Variants in RAB39A observed in about 807,000 individuals in gnomAD.
RAB39A encodes ras-related protein Rab-39A.
A neutral mutation model predicts 20.9 loss-of-function variants in RAB39A; 17 were observed. That is an observed-to-expected ratio of 0.81 (90% CI 0.56 to 1.22). RAB39A has a LOEUF of 1.22. RAB39A is among the 50% of genes most tolerant of loss of function. The probability of loss-of-function intolerance (pLI) is 0.00; values close to 1 mark genes in which losing one functional copy is unlikely to be tolerated. For synonymous variants in RAB39A, 99 were observed against 103.4 expected (o/e 0.96, Z 0.26); for missense variants, 234 against 270.5 (o/e 0.87, Z 0.95).
intron 1 of RAB39A, among the ~76,000 whole-genome samples, chr11:107,947,796 G>GC (rs1861333355): frequency 3.5e-5 from 2 of 57,808 alleles, no homozygotes; most frequent in South Asian, 1.3e-3. Flanking sequence ...GAAAGGAACA[G>GC]CATCAACAGG....
chr11:107,931,268 C>T (rs1162174781), intron 1 of RAB39A, among the ~76,000 whole-genome samples: 2 of 152,132 alleles, frequency 1.3e-5, no homozygotes, highest in African/African-American at 4.8e-5. Context: ...CGTGAGCCAC[C>T]GCGCCTGGCC....
Position 107,961,935 on chromosome 11 carries a change from T to G in RAB39A, c.228-11T>G. The G allele has an allele frequency of 6.3e-7, 1 of 1,593,952 alleles. No individual in the cohort carries two copies. Among genetic ancestry groups the G allele is most frequent in the South Asian group, 1.1e-5 (1 of 88,218 alleles). ...TGTCCTTATACAACCTTTTTTCTCT[T>G]CATTTTTCAGATCAATAACCCGATC... On this transcript the variant is annotated splice_polypyrimidine_tract_variant and intron_variant, in intron 1 of 1. Transcript: ENST00000320578.
At chr11:107,942,174 G>T (rs868104136) in intron 1 of RAB39A, among the ~76,000 whole-genome samples, 1 of 150,108 alleles carries the variant, frequency 6.7e-6, no homozygotes, top group Non-Finnish European at 1.5e-5. Flanking sequence ...AATCAAAAAT[G>T]GAATAGAAAG....
chr11:107,946,817 G>A (rs1159756489), intron 1 of RAB39A, among the ~76,000 whole-genome samples: 1 of 151,698 alleles, frequency 6.6e-6, no homozygotes, highest in Non-Finnish European at 1.5e-5. Context: ...TCTGGGCAAG[G>A]TGGCTCACAC....
At chr11:107,946,559 G>A (rs1313841347) in intron 1 of RAB39A, among the ~76,000 whole-genome samples, 3 of 132,922 alleles carry the variant, frequency 2.3e-5, no homozygotes, top group Non-Finnish European at 3.1e-5. Context: ...TGCAAGCTCC[G>A]CCTCCCGGGT....
At chr11:107,955,059 C>T (rs1447898552) in intron 1 of RAB39A, among the ~76,000 whole-genome samples, 2 of 132,782 alleles carry the variant, frequency 1.5e-5, no homozygotes, top group Non-Finnish European at 3.1e-5. Context: ...TGCAGTGGCC[C>T]GATCTCGGCT....
At chr11:107,941,468 C>CCTTTTT (rs1861258107) in intron 1 of RAB39A, among the ~76,000 whole-genome samples, 1 of 152,118 alleles carries the variant, frequency 6.6e-6, no homozygotes, top group African/African-American at 2.4e-5. Context: ...CTCAACTCTC[C>CCTTTTT]CTTTTTAAAT....
intron 1 of RAB39A, among the ~76,000 whole-genome samples, chr11:107,939,243 CAAAAAAAAAAA>C (rs138488479): frequency 1.5e-5 from 1 of 68,570 alleles, no homozygotes; most frequent in Non-Finnish European, 2.7e-5. Context: ...GACTCTGTCT[CAAAAAAAAAAA>C]AAAAAAAAAG....
chr11:107,945,400 C>A (rs931168621), intron 1 of RAB39A, among the ~76,000 whole-genome samples: 19 of 151,198 alleles, frequency 1.3e-4, no homozygotes, highest in African/African-American at 4.6e-4. Context: ...TTTTTTTTCC[C>A]CCTGAAACCT....
At chr11:107,955,211 A>T (rs907615837) in intron 1 of RAB39A, among the ~76,000 whole-genome samples, 1 of 151,752 alleles carries the variant, frequency 6.6e-6, no homozygotes. Context: ...GTTAGCCAGG[A>T]TGGTCTCAAT....
Position 107,963,468 on chromosome 11 carries a change from G to T in RAB39A, c.*1096G>T. ...ATTGACATTTTCAAAGAAAGTAAAT[G>T]CAATTTACTTTGAACTATTGTCAAA... On this transcript the variant is annotated 3_prime_UTR_variant, in exon 2 of 2. Coordinates refer to ENST00000320578, the MANE Select transcript of RAB39A (RefSeq NM_017516.3). The T allele has an allele frequency of 6.6e-6, 1 of 152,110 alleles. No individual in the cohort carries two copies. The highest frequency in any genetic ancestry group is 1.5e-5 in the Non-Finnish European group (1 of 68,030). 9.4% of individuals were successfully genotyped at this position (152,110 alleles called of 1,614,324 possible). A position where few individuals can be genotyped will look rare whatever the true frequency, so the allele number is the denominator to read the frequency against.
At chr11:107,938,100 C>T (rs772381894) in intron 1 of RAB39A, among the ~76,000 whole-genome samples, 2 of 151,926 alleles carry the variant, frequency 1.3e-5, no homozygotes, top group African/African-American at 2.4e-5. Context: ...TGGTGGCTCA[C>T]GCCTGTAATC....
In RAB39A at chr11:107,962,268, A is replaced by G. The variant is rs751254039; in HGVS notation, c.550A>G (p.Ile184Val). ...DIYELIKKGE[I>V]CIQDGWEGVK... ...ATATGAACTTATTAAAAAGGGAGAA[A>G]TTTGTATTCAGGATGGCTGGGAAGG... Residue 184 changes from isoleucine (I) to valine (V), a missense_variant, in exon 2 of 2, where the codon ATT becomes GTT. Transcript: ENST00000320578. 1.1e-5 allele frequency: 18 copies of G among 1,613,726 alleles called. No homozygotes were observed. The highest frequency in any genetic ancestry group is 5.0e-5 in the Admixed American group (3 of 59,984).
At chr11:107,935,624 C>T (rs1249723539) in intron 1 of RAB39A, among the ~76,000 whole-genome samples, 1 of 152,108 alleles carries the variant, frequency 6.6e-6, no homozygotes, top group East Asian at 1.9e-4. Context: ...GATTCACCTG[C>T]CTCGGCCTCC....
At position 107,946,299 on chromosome 11, in the gene RAB39A, A is replaced by G. The variant is rs549564298; in HGVS notation, c.228-15647A>G. ...AAGGAAAACATTGCAACCATAAAGG[A>G]ACAGGATACTATATATATATATATA... On this transcript the variant is annotated intron_variant, in intron 1 of 1. Transcript: ENST00000320578. Among the ~76,000 whole-genome samples, 24 of 130,382 alleles carry G rather than the reference A, an allele frequency of 1.8e-4. No individual in the cohort carries two copies. The East Asian group carries it at 5.2e-3, about 28-fold the overall frequency. The allele number at this position is 130,382 out of a possible 152,430, so 85.5% of individuals were successfully genotyped here.
chr11:107,944,169 A>T (rs530837384), intron 1 of RAB39A, among the ~76,000 whole-genome samples: 1 of 152,062 alleles, frequency 6.6e-6, no homozygotes, highest in Admixed American at 6.6e-5. Flanking sequence ...CCTCAACATC[A>T]GTTTCTAGGG....
chr11:107,939,909 G>T (rs1435362821), intron 1 of RAB39A, among the ~76,000 whole-genome samples: 2 of 152,132 alleles, frequency 1.3e-5, no homozygotes, highest in Non-Finnish European at 2.9e-5. Context: ...ATGGATCACC[G>T]CAGTGAAGTT....
intron 1 of RAB39A, among the ~76,000 whole-genome samples, chr11:107,960,594 A>G (rs1861486459): frequency 6.6e-6 from 1 of 152,244 alleles, no homozygotes; most frequent in Non-Finnish European, 1.5e-5. Context: ...GTTAGCCGAA[A>G]AGAGTTTAAT....
chr11:107,955,704 G>A (rs983405667), intron 1 of RAB39A, among the ~76,000 whole-genome samples: 7 of 152,104 alleles, frequency 4.6e-5, no homozygotes, highest in Non-Finnish European at 1.0e-4. Flanking sequence ...CACGTGTGGT[G>A]GTGCATGCCT....
Sources: allele counts gnomAD v4.1 joint callset (sites outside exome capture counted in the v4.1 genomes callset), GRCh38; gene constraint gnomAD v4.1.1; transcripts MANE v1.5; gene names NCBI Gene and HGNC (gene_info 2026-07-23, HGNC 2026-07-21).